NPEPL1: variants seen among roughly 807,000 people sequenced by gnomAD.
The protein encoded by NPEPL1 is aminopeptidase like 1, also known as probable aminopeptidase NPEPL1.
A neutral mutation model predicts 52.4 loss-of-function variants in NPEPL1; 45 were observed. The ratio of observed to expected loss-of-function variants is 0.86; its 90% CI spans 0.68 to 1.10. The LOEUF (loss-of-function observed/expected upper bound fraction) is 1.10. Among genes scored for constraint, NPEPL1 ranks in the 50% least tolerant of loss-of-function variants. The pLI is 0.00. For synonymous variants in NPEPL1, 360 were observed against 314.7 expected, an observed-to-expected ratio of 1.14 and a Z score of -1.52; for missense variants, 696 against 710.9, an observed-to-expected ratio of 0.98 and a Z score of 0.24.
At chr20:58,700,307 C>T (rs1250471791) in intron 5 of NPEPL1, among the ~76,000 whole-genome samples, 1 of 152,116 alleles carries the variant, frequency 6.6e-6, no homozygotes, top group Non-Finnish European at 1.5e-5. Flanking sequence ...ACATGAATAC[C>T]CAGACGTGGG....
At chr20:58,708,226 A>G (rs981363312) in intron 7 of NPEPL1, among the ~76,000 whole-genome samples, 7 of 152,248 alleles carry the variant, frequency 4.6e-5, no homozygotes, top group African/African-American at 1.7e-4. Context: ...GTAGTTTCCA[A>G]TCTGGAGGGT....
chr20:58,715,180 A>G lies in NPEPL1; in HGVS notation c.1426A>G (p.Thr476Ala), dbSNP rs748478783. ...CCTTTGCTTGCAGGGTGAGCGAGCC[A>G]CAGGCTTCGGTGTGGCCCTCCTGCT... ...AAPVHAGERA[T>A]GFGVALLLAL... Residue 476 changes from threonine (T) to alanine (A), a missense_variant, in exon 12 of 12, where the codon ACA (threonine) becomes GCA (alanine). Physicochemically the swap from Thr to Ala is moderately conservative, Grantham distance 58. Transcript: ENST00000356091. 8 of 1,605,546 alleles carry G rather than the reference A, an allele frequency of 5.0e-6. No individual in the cohort carries two copies. The highest frequency in any genetic ancestry group is 2.2e-5 in the South Asian group (2 of 89,838).
At chr20:58,702,085 T>C (rs927570195) in intron 6 of NPEPL1, among the ~76,000 whole-genome samples, 9 of 152,040 alleles carry the variant, frequency 5.9e-5, no homozygotes, top group Admixed American at 6.5e-5. Context: ...GAGCAGGGAG[T>C]GCATCCGCAG....
intron 3 of NPEPL1, among the ~76,000 whole-genome samples, chr20:58,697,903 G>A (rs926710241): frequency 1.3e-5 from 2 of 152,230 alleles, no homozygotes; most frequent in African/African-American, 4.8e-5. Context: ...CCCTGCCTTC[G>A]AGTGTGGGCT....
Position 58,713,955 on chromosome 20 carries a change from C to T in NPEPL1, c.1164C>T (p.Thr388=). ...GGAAGTACCACGCCGCGGTGCTCAC[C>T]AACAGCGCTGAGTGGGAGGCCGCCT... ...ATGKYHAAVL[T]NSAEWEAACV... is the part of the protein sequence containing the mutation. The change falls in exon 10 of 12, where the codon ACC becomes ACT. Residue 388 remains threonine (T), a synonymous_variant. Coordinates refer to ENST00000356091, the MANE Select transcript of NPEPL1 (RefSeq NM_024663.4). The surrounding 1 kb of genome is among the most constrained non-coding windows in gnomAD (Gnocchi z 4.6). 6.6e-7 allele frequency: 1 copy of T among 1,515,342 alleles called. No homozygotes were observed. The highest frequency in any genetic ancestry group is 8.8e-7 in the Non-Finnish European group (1 of 1,135,658). The allele number at this position is 1,515,342 out of a possible 1,614,324, so 93.9% of individuals were successfully genotyped here. A position where few individuals can be genotyped will look rare whatever the true frequency, so the allele number is the denominator to read the frequency against.
chr20:58,714,717 G>T, intron 11 of NPEPL1, 47 bp downstream of exon 11: 1 of 1,429,094 alleles, frequency 7.0e-7, no homozygotes, highest in South Asian at 1.2e-5. Flanking sequence ...CCGCCCGCTT[G>T]TCCAAACAGC....
At chr20:58,708,476 C>T (rs576562992) in intron 7 of NPEPL1, among the ~76,000 whole-genome samples, 18 of 152,354 alleles carry the variant, frequency 1.2e-4, no homozygotes, top group South Asian at 1.0e-3. Flanking sequence ...CTGTTTCTCT[C>T]GTGCTGAGCA....
chr20:58,712,673 G>T, intron 8 of NPEPL1, 94 bp downstream of exon 8: 1 of 932,374 alleles, frequency 1.1e-6, no homozygotes, highest in Non-Finnish European at 1.7e-6. Context: ...ATATCGGGAG[G>T]GCACTCAGCG....
chr20:58,704,900 C>T (rs190374233), intron 6 of NPEPL1, among the ~76,000 whole-genome samples: 1 of 152,358 alleles, frequency 6.6e-6, no homozygotes, highest in East Asian at 1.9e-4. Context: ...GTTAAATCCG[C>T]TGTTCTCTCT....
intron 5 of NPEPL1, among the ~76,000 whole-genome samples, chr20:58,700,514 A>G (rs1179002379): frequency 1.3e-5 from 2 of 152,364 alleles, no homozygotes; most frequent in East Asian, 1.9e-4. Context: ...CAATTATTGC[A>G]GGACTTTGAG....
At chr20:58,692,048 C>T, upstream of NPEPL1, 1 of 583,986 alleles carries the variant, frequency 1.7e-6, no homozygotes, top group Non-Finnish European at 3.0e-6. This position sits in a 1 kb window ranked among gnomAD's most constrained non-coding sequence, Gnocchi z 5.7. Context: ...CACCCTGCTC[C>T]TTCCTCGTCT....
At chr20:58,714,728 G>A (rs576229013) in intron 11 of NPEPL1, 58 bp downstream of exon 11, 23 of 1,344,576 alleles carry the variant, frequency 1.7e-5, no homozygotes, top group African/African-American at 1.2e-4. Context: ...TCCAAACAGC[G>A]CCCCTCTGGC....
In NPEPL1 at chr20:58,714,248, G is replaced by A. The variant is rs2084912268; in HGVS notation, c.1302+155G>A. The A allele has an allele frequency of 3.9e-6, 3 of 765,922 alleles. No homozygotes were observed. In the East Asian group the frequency reaches 9.0e-5, roughly 23 times the overall value. The allele number at this position is 765,922 out of a possible 1,614,324, so 47.4% of individuals were successfully genotyped here. The stretch of plus-strand genomic sequence containing the variant: ...CTTGAGAGGCAGGCGTCAGGGCACA[G>A]GAGTCATCCCAGACAGCGTGGGCCA... On this transcript the variant is annotated intron_variant, in intron 10 of 11. Coordinates refer to ENST00000356091, the MANE Select transcript of NPEPL1 (RefSeq NM_024663.4).
At chr20:58,691,808 C>T (rs2123068295), upstream of NPEPL1, 1 of 1,544,780 alleles carries the variant, frequency 6.5e-7, no homozygotes. Flanking sequence ...CAACCAAAGG[C>T]CCTTGAGCAA....
intron 7 of NPEPL1, among the ~76,000 whole-genome samples, chr20:58,710,548 C>T (rs1337457971): frequency 6.6e-6 from 1 of 152,168 alleles, no homozygotes; most frequent in African/African-American, 2.4e-5. Flanking sequence ...CTTGGCCGCC[C>T]TGGGGGACCA....
chr20:58,713,678 G>A lies in NPEPL1; in HGVS notation c.1125+135G>A. On this transcript the variant is annotated intron_variant, in intron 9 of 11. Transcript: ENST00000356091. The surrounding 1 kb of genome is among the most constrained non-coding windows in gnomAD (Gnocchi z 4.6). The stretch of plus-strand genomic sequence containing the variant: ...CATAACTGGGCACGAGGAGGCAGGA[G>A]GAGCTGCCCGTCAAGCTTGGTGTGG... 1 of 1,303,426 alleles carries A rather than the reference G, an allele frequency of 7.7e-7. No individual in the cohort carries two copies. Among genetic ancestry groups the A allele is most frequent in the Non-Finnish European group, 1.0e-6 (1 of 981,260 alleles). The allele number at this position is 1,303,426 out of a possible 1,614,324, so 80.7% of individuals were successfully genotyped here.
At position 58,715,216 on chromosome 20, in the gene NPEPL1, G is replaced by A. The variant is rs750034761; in HGVS notation, c.1462G>A (p.Gly488Ser). ...TGTGGCCCTCCTGCTGGCGCTCTTC[G>A]GCCGTGCCTCTGAGGACCCTCTGCT... ...FGVALLLALF[G>S]RASEDPLLNL... The change falls in exon 12 of 12, where the codon GGC becomes AGC. Residue 488 changes from glycine to serine, a missense_variant. Physicochemically the swap from Gly to Ser is moderately conservative, Grantham distance 56. Coordinates refer to ENST00000356091, the MANE Select transcript of NPEPL1 (RefSeq NM_024663.4). 1.2e-5 allele frequency: 20 copies of A among 1,608,152 alleles called. No homozygotes were observed. The highest frequency in any genetic ancestry group is 5.4e-5 in the African/African-American group (4 of 74,744).
chr20:58,709,179 C>T (rs904474839), intron 7 of NPEPL1, among the ~76,000 whole-genome samples: 2 of 151,796 alleles, frequency 1.3e-5, no homozygotes, highest in African/African-American at 2.4e-5. Flanking sequence ...ACCCCACCCC[C>T]ACTCTGGACA....
upstream of NPEPL1, among the ~76,000 whole-genome samples, chr20:58,689,635 G>C (rs1488742869): frequency 2.6e-5 from 4 of 152,104 alleles, no homozygotes; most frequent in African/African-American, 9.7e-5. Flanking sequence ...ACAATTCCTT[G>C]GTCAGGGATC....
Sources: gnomAD v4.1 joint callset for allele counts (sites outside exome capture counted in the v4.1 genomes callset) on GRCh38, gnomAD v4.1.1 for gene constraint, Gnocchi (gnomAD v3.1) non-coding constraint, MANE v1.5 for transcripts, NCBI Gene and HGNC (gene_info 2026-07-23, HGNC 2026-07-21) for gene names.